MSMO1: variants seen among roughly 807,000 people sequenced by gnomAD.
MSMO1 encodes the protein C-4 methylsterol oxidase.
A neutral mutation model predicts 30.4 loss-of-function variants in MSMO1; 18 were observed. The ratio of observed to expected loss-of-function variants is 0.59; its 90% CI spans 0.41 to 0.88. MSMO1 has a LOEUF of 0.88. Ranked by LOEUF, MSMO1 falls within the 40% of genes least tolerant of loss-of-function variation. The probability of loss-of-function intolerance (pLI) is 0.00; values close to 1 mark genes in which losing one functional copy is unlikely to be tolerated. For synonymous variants in MSMO1, 84 were observed against 107.9 expected (o/e 0.78, Z 1.37); for missense variants, 284 against 340.5 (o/e 0.83, Z 1.31).
At chr4:165,335,379 A>G (rs911459707) in intron 2 of MSMO1, among the ~76,000 whole-genome samples, 2 of 152,190 alleles carry the variant, frequency 1.3e-5, no homozygotes, top group African/African-American at 4.8e-5. Flanking sequence ...AGGAAATAAA[A>G]AATAGGAGGG....
At chr4:165,333,203 T>G in intron 1 of MSMO1, 137 bp from the exon 2 acceptor site, 1 of 608,888 alleles carries the variant, frequency 1.6e-6, no homozygotes, top group East Asian at 3.0e-5. Flanking sequence ...TTGTACTCCT[T>G]TAGTAATTTT....
chr4:165,332,374 A>T (rs1747421587), intron 1 of MSMO1, among the ~76,000 whole-genome samples: 1 of 152,104 alleles, frequency 6.6e-6, no homozygotes, highest in South Asian at 2.1e-4. Flanking sequence ...GGAAGGACTT[A>T]ATTTATTTAA....
chr4:165,337,520 G>T (rs1747587887), intron 2 of MSMO1, among the ~76,000 whole-genome samples: 1 of 152,178 alleles, frequency 6.6e-6, no homozygotes, highest in Non-Finnish European at 1.5e-5. Context: ...ATGATCTGTG[G>T]CAGCAAAGAC....
chr4:165,338,471 A>T (rs964267260), intron 3 of MSMO1, among the ~76,000 whole-genome samples, 181 bp from the exon 4 acceptor site: 1 of 152,086 alleles, frequency 6.6e-6, no homozygotes, highest in African/African-American at 2.4e-5. Context: ...TTAACCTTAT[A>T]TCAAGTTATG....
Position 165,340,405 on chromosome 4 carries a change from G to A in MSMO1, c.686+30G>A, listed in dbSNP as rs746054574. ...GTATTAATTTCTGTTCAGGTATAAA[G>A]CATAATGAAATATATTTATTTTCAT... On this transcript the variant is annotated intron_variant, in intron 5 of 5. Coordinates refer to ENST00000261507, the MANE Select transcript of MSMO1 (RefSeq NM_006745.5). 3.2e-6 allele frequency: 5 copies of A among 1,566,592 alleles called. No homozygotes were observed. In the African/African-American group the frequency reaches 6.8e-5, roughly 21 times the overall value.
intron 5 of MSMO1, among the ~76,000 whole-genome samples, chr4:165,340,981 C>A (rs919000685): frequency 6.6e-6 from 1 of 152,014 alleles, no homozygotes; most frequent in Non-Finnish European, 1.5e-5. Context: ...AAAATTAATG[C>A]TTCTAGTCCT....
At position 165,341,897 on chromosome 4, in the gene MSMO1, A is replaced by G. The variant is rs759341764; in HGVS notation, c.833A>G (p.Tyr278Cys). The G allele has an allele frequency of 1.1e-5, 17 of 1,613,092 alleles. No homozygotes were observed. Among genetic ancestry groups the G allele is most frequent in the Non-Finnish European group, 1.4e-5 (16 of 1,179,264 alleles). ...CGAATTTTTGGAACAGACTCTCAGT[A>G]TAATGCCTATAATGAAAAGAGGAAG... Reference protein sequence around the residue: ...WDRIFGTDSQYNAYNEKRKKF... With the variant: ...WDRIFGTDSQCNAYNEKRKKF... Residue 278 changes from tyrosine to cysteine, a missense_variant, in exon 6 of 6, where the codon TAT becomes TGT. By Grantham distance (194) the Tyr-to-Cys change is radical. Transcript: ENST00000261507.
intron 1 of MSMO1, among the ~76,000 whole-genome samples, chr4:165,329,401 G>A (rs1747324841): frequency 6.6e-6 from 1 of 151,870 alleles, no homozygotes. Flanking sequence ...TTGGACACTA[G>A]TTGTTATTCC....
In MSMO1 at chr4:165,337,861, C is replaced by G; in HGVS notation, c.328C>G (p.Leu110Val). 8 of 1,612,832 alleles carry G rather than the reference C, an allele frequency of 5.0e-6. No homozygotes were observed. Among genetic ancestry groups the G allele is most frequent in the Non-Finnish European group, 5.9e-6 (7 of 1,179,034 alleles). ...TCTCTTTAATCACTTCTGTATCCAGCTGCCTTTGATTTGTGGAACCTATTA... is the reference window on the plus strand; with the variant it reads ...TCTCTTTAATCACTTCTGTATCCAGGTGCCTTTGATTTGTGGAACCTATTA... Reference protein sequence around the residue: ...VLLFNHFCIQLPLICGTYYFT... With the variant: ...VLLFNHFCIQVPLICGTYYFT... The change falls in exon 3 of 6, where the codon CTG becomes GTG. Residue 110 changes from leucine (L) to valine (V), a missense_variant. By Grantham distance (32) the Leu-to-Val change is conservative. Coordinates refer to ENST00000261507, the MANE Select transcript of MSMO1 (RefSeq NM_006745.5).
chr4:165,336,797 C>G (rs1747561523), intron 2 of MSMO1, among the ~76,000 whole-genome samples: 1 of 152,204 alleles, frequency 6.6e-6, no homozygotes, highest in African/African-American at 2.4e-5. Flanking sequence ...TGGATTGATT[C>G]TTAGTTCAGT....
At chr4:165,335,137 T>C (rs1466456003) in intron 2 of MSMO1, among the ~76,000 whole-genome samples, 1 of 152,170 alleles carries the variant, frequency 6.6e-6, no homozygotes, top group Non-Finnish European at 1.5e-5. Flanking sequence ...CTTCAGATCT[T>C]GGTATTTGCA....
intron 1 of MSMO1, among the ~76,000 whole-genome samples, chr4:165,330,286 G>A (rs763425477): frequency 6.6e-6 from 1 of 152,194 alleles, no homozygotes; most frequent in Non-Finnish European, 1.5e-5. Flanking sequence ...CCTCACGAAG[G>A]TGTGGTAAGG....
chr4:165,330,357 G>A (rs1228439357), intron 1 of MSMO1, among the ~76,000 whole-genome samples: 1 of 152,212 alleles, frequency 6.6e-6, no homozygotes, highest in Non-Finnish European at 1.5e-5. Context: ...GGCACAGAAA[G>A]TGCCCAATAA....
chr4:165,327,725 C>T lies in MSMO1; in HGVS notation c.-71C>T, dbSNP rs1160248159. On this transcript the variant is annotated 5_prime_UTR_variant, in exon 1 of 6. Coordinates refer to ENST00000261507, the MANE Select transcript of MSMO1 (RefSeq NM_006745.5). ...CCGAGGTTGGAACACCTGGCGAGTCCTCGGTGTCGGTGGCCGGCAGTCATC... is the reference window on the plus strand; with the variant it reads ...CCGAGGTTGGAACACCTGGCGAGTCTTCGGTGTCGGTGGCCGGCAGTCATC... The T allele has an allele frequency of 6.6e-6, 1 of 152,378 alleles. No individual in the cohort carries two copies. The allele number at this position is 152,378 out of a possible 1,614,324, so 9.4% of individuals were successfully genotyped here.
chr4:165,334,280 C>T (rs1345029938), intron 2 of MSMO1, among the ~76,000 whole-genome samples: 2 of 152,176 alleles, frequency 1.3e-5, no homozygotes, highest in Non-Finnish European at 2.9e-5. Flanking sequence ...TTGAGCAACA[C>T]AGTCCTAGGT....
rs575165811 is a variant in MSMO1, at chr4:165,337,670, T to C, written c.256-119T>C. 1.3e-5 allele frequency: 13 copies of C among 976,638 alleles called. No individual in the cohort carries two copies. In the African/African-American group the frequency reaches 2.1e-4, roughly 16 times the overall value. The allele number at this position is 976,638 out of a possible 1,614,324, so 60.5% of individuals were successfully genotyped here. A position where few individuals can be genotyped will look rare whatever the true frequency, so the allele number is the denominator to read the frequency against. ...AAGGCAAAGATTCCTGAGTCTTAGT[T>C]ATATAAAGTTAACATAACTGACGTA... On this transcript the variant is annotated intron_variant, in intron 2 of 5. Coordinates refer to ENST00000261507, the MANE Select transcript of MSMO1 (RefSeq NM_006745.5).
chr4:165,338,560 T>C (rs987910853), intron 3 of MSMO1, 92 bp from the exon 4 acceptor site: 2 of 1,182,182 alleles, frequency 1.7e-6, no homozygotes, highest in Non-Finnish European at 2.5e-6. Context: ...TGGGTGGTTT[T>C]ATGTAATGTC....
At chr4:165,340,542 ACAT>A (rs1747688537) in intron 5 of MSMO1, 167 bp downstream of exon 5, 2 of 655,820 alleles carry the variant, frequency 3.0e-6, no homozygotes, top group Non-Finnish European at 5.2e-6. Flanking sequence ...AGATGTTTTT[ACAT>A]TCTAGCCTAT....
At chr4:165,331,173 G>A (rs1747378493) in intron 1 of MSMO1, among the ~76,000 whole-genome samples, 1 of 151,990 alleles carries the variant, frequency 6.6e-6, no homozygotes, top group Admixed American at 6.6e-5. Context: ...AGGCGTGGTG[G>A]CATGTGCCTG....
Sources: allele counts gnomAD v4.1 joint callset (sites outside exome capture counted in the v4.1 genomes callset), GRCh38; gene constraint gnomAD v4.1.1; transcripts MANE v1.5; gene names NCBI Gene and HGNC (gene_info 2026-07-23, HGNC 2026-07-21).